Variants in CENPK observed in about 807,000 individuals in gnomAD.
CENPK encodes SoxLZ/Sox6-binding protein Solt.
Under a neutral mutation model 40.9 loss-of-function variants are expected in CENPK, and 46 were observed. The observed-to-expected ratio is 1.13, with a 90% CI of 0.89 to 1.44. CENPK has a LOEUF of 1.44. CENPK is among the 40% of genes most tolerant of loss of function. The probability of loss-of-function intolerance (pLI) is 0.00; values close to 1 mark genes in which losing one functional copy is unlikely to be tolerated. For missense variants in CENPK, 288 were observed against 303.5 expected, an observed-to-expected ratio of 0.95 and a Z score of 0.38; for synonymous variants, 107 against 104.4, an observed-to-expected ratio of 1.02 and a Z score of -0.15.
intron 2 of CENPK, among the ~76,000 whole-genome samples, chr5:65,557,731 A>G (rs1397414587): frequency 6.6e-6 from 1 of 152,218 alleles, no homozygotes; most frequent in South Asian, 2.1e-4. Flanking sequence ...CACAAAACTC[A>G]TGAGCGTAAT....
At chr5:65,557,632 A>G (rs1383132670) in intron 2 of CENPK, among the ~76,000 whole-genome samples, 3 of 152,226 alleles carry the variant, frequency 2.0e-5, no homozygotes, top group Non-Finnish European at 4.4e-5. Flanking sequence ...CTGACAATTA[A>G]GCCCCTAGGC....
chr5:65,528,022 C>T (rs889876911), intron 9 of CENPK, among the ~76,000 whole-genome samples: 11 of 152,064 alleles, frequency 7.2e-5, no homozygotes, highest in African/African-American at 2.4e-4. Context: ...GGCAGATTGC[C>T]TGAGCTCAGG....
At chr5:65,523,954 T>C (rs1744204256) in intron 9 of CENPK, among the ~76,000 whole-genome samples, 1 of 152,078 alleles carries the variant, frequency 6.6e-6, no homozygotes, top group Non-Finnish European at 1.5e-5. Flanking sequence ...GCTTAAAATA[T>C]CCTTTTAGTG....
At chr5:65,551,403 A>T (rs1424359384) in intron 5 of CENPK, among the ~76,000 whole-genome samples, 161 bp downstream of exon 5, 4 of 152,156 alleles carry the variant, frequency 2.6e-5, no homozygotes, top group Non-Finnish European at 5.9e-5. Context: ...TAATAAAAGA[A>T]GTACAAAATA....
At chr5:65,548,618 C>CT (rs1749431683) in intron 5 of CENPK, among the ~76,000 whole-genome samples, 1 of 152,152 alleles carries the variant, frequency 6.6e-6, no homozygotes, top group African/African-American at 2.4e-5. Flanking sequence ...AACCCTGACG[C>CT]TGCCTTACCA....
chr5:65,500,529 T>C, the CENPK span, among the ~76,000 whole-genome samples: 1 of 152,040 alleles, frequency 6.6e-6, no homozygotes. Flanking sequence ...TGTTTTTTTC[T>C]TGTAAATTTG....
intron 6 of CENPK, among the ~76,000 whole-genome samples, chr5:65,541,195 G>A (rs946688489): frequency 6.6e-6 from 1 of 152,086 alleles, no homozygotes; most frequent in Non-Finnish European, 1.5e-5. Context: ...TCTGTGAGCT[G>A]CTCTGGCAAA....
chr5:65,526,442 AAC>A (rs1223137948), intron 9 of CENPK, among the ~76,000 whole-genome samples: 1 of 152,222 alleles, frequency 6.6e-6, no homozygotes, highest in Non-Finnish European at 1.5e-5. Context: ...GAATAAAAAG[AAC>A]ACAGATAGTA....
chr5:65,553,533 A>G (rs1355889147), intron 3 of CENPK, among the ~76,000 whole-genome samples: 5 of 152,218 alleles, frequency 3.3e-5, no homozygotes, highest in Non-Finnish European at 5.9e-5. Flanking sequence ...AAAAGTACAT[A>G]TATTTCAAAC....
At chr5:65,548,957 C>T (rs1269967578) in intron 5 of CENPK, among the ~76,000 whole-genome samples, 1 of 152,148 alleles carries the variant, frequency 6.6e-6, no homozygotes, top group Non-Finnish European at 1.5e-5. Context: ...TTCTTAATGG[C>T]ATCTAGAATG....
intron 6 of CENPK, among the ~76,000 whole-genome samples, chr5:65,539,438 T>C (rs1403558601): frequency 6.6e-6 from 1 of 152,202 alleles, no homozygotes; most frequent in East Asian, 1.9e-4. Flanking sequence ...GGATAGACAT[T>C]CCTATTCCAA....
At chr5:65,538,661 G>A (rs1456618501) in intron 6 of CENPK, among the ~76,000 whole-genome samples, 1 of 152,140 alleles carries the variant, frequency 6.6e-6, no homozygotes, top group African/African-American at 2.4e-5. Context: ...CAGACAGAGC[G>A]ATGGAGGGAA....
At chr5:65,500,723 C>T in the CENPK span, among the ~76,000 whole-genome samples, 74 of 152,212 alleles carry the variant, frequency 4.9e-4, no homozygotes, top group Non-Finnish European at 8.8e-4. Flanking sequence ...AGAGCAGTGG[C>T]GCAATCTTGG....
At chr5:65,514,348 C>T (rs1221250864), downstream of CENPK, among the ~76,000 whole-genome samples, 1 of 146,786 alleles carries the variant, frequency 6.8e-6, no homozygotes, top group African/African-American at 2.5e-5. Flanking sequence ...ACTGCAACCT[C>T]CCCATCCCAG....
the CENPK span, among the ~76,000 whole-genome samples, chr5:65,512,635 A>G: frequency 2.0e-5 from 3 of 152,250 alleles, no homozygotes; most frequent in Non-Finnish European, 4.4e-5. Context: ...ACTAGACTAC[A>G]GTATAGTATA....
chr5:65,501,468 T>C, the CENPK span, among the ~76,000 whole-genome samples: 5 of 152,202 alleles, frequency 3.3e-5, no homozygotes, highest in Non-Finnish European at 7.4e-5. Context: ...CAGGAGCCAC[T>C]GCTCCTGGCC....
intron 3 of CENPK, among the ~76,000 whole-genome samples, chr5:65,553,896 C>G (rs1179404088): frequency 1.3e-5 from 2 of 152,214 alleles, no homozygotes; most frequent in Non-Finnish European, 2.9e-5. Flanking sequence ...CATGTCACTT[C>G]CATACTTAAA....
the CENPK span, among the ~76,000 whole-genome samples, chr5:65,505,973 T>C: frequency 6.6e-6 from 1 of 152,250 alleles, no homozygotes; most frequent in African/African-American, 2.4e-5. Flanking sequence ...TTAAGAGTTA[T>C]CCTACTTGCA....
intron 10 of CENPK, 120 bp downstream of exon 10, chr5:65,521,355 T>A (rs1314711065): frequency 3.0e-6 from 2 of 669,956 alleles, no homozygotes. Flanking sequence ...ATATATTTAA[T>A]AAAGATTGAT....
Sources: gnomAD v4.1 joint callset for allele counts (sites outside exome capture counted in the v4.1 genomes callset) on GRCh38, gnomAD v4.1.1 for gene constraint, MANE v1.5 for transcripts, NCBI Gene and HGNC (gene_info 2026-07-23, HGNC 2026-07-21) for gene names.